P2RX7: variants seen among roughly 807,000 people sequenced by gnomAD.
P2RX7 encodes purinergic receptor P2X 7.
A neutral mutation model predicts 71.6 loss-of-function variants in P2RX7; 62 were observed. The ratio of observed to expected loss-of-function variants is 0.87; its 90% CI spans 0.71 to 1.07. P2RX7 has a LOEUF of 1.07. Among genes scored for constraint, P2RX7 ranks in the 50% least tolerant of loss-of-function variants. The pLI is 0.00. For missense variants in P2RX7, 686 were observed against 748.5 expected (o/e 0.92, Z 0.97); for synonymous variants, 299 against 283.3 (o/e 1.06, Z -0.56).
At chr12:121,133,749 C>T (rs1258827352) in intron 1 of P2RX7, among the ~76,000 whole-genome samples, 2 of 152,212 alleles carry the variant, frequency 1.3e-5, no homozygotes, top group Admixed American at 6.5e-5. Context: ...CTCCTTCCCA[C>T]CCATCAATTT....
At chr12:121,183,412 A>G (rs1167204189) in intron 12 of P2RX7, among the ~76,000 whole-genome samples, 1 of 150,534 alleles carries the variant, frequency 6.6e-6, no homozygotes, top group African/African-American at 2.4e-5. Context: ...CTCTACTAAA[A>G]ATATAAAAAT....
chr12:121,171,359 CTT>C (rs34595094), intron 8 of P2RX7, among the ~76,000 whole-genome samples: 21,435 of 104,034 alleles, frequency 0.21, 1,221 homozygotes, highest in South Asian at 0.25. Flanking sequence ...TCTTCAATCT[CTT>C]TTTTTTTTTT....
At chr12:121,136,023 A>AAAAATATATATATATATATAT in intron 1 of P2RX7, among the ~76,000 whole-genome samples, 1 of 15,254 alleles carries the variant, frequency 6.6e-5, no homozygotes, top group African/African-American at 1.2e-4. Context: ...AAAAAAAAAA[A>AAAAATATATATATATATATAT]ATATATATAT....
intron 1 of P2RX7, among the ~76,000 whole-genome samples, chr12:121,142,902 A>G (rs1464535386): frequency 6.6e-6 from 1 of 152,028 alleles, no homozygotes; most frequent in Admixed American, 6.6e-5. Flanking sequence ...CAGCCTGGCC[A>G]GCATGGTGAA....
At chr12:121,174,095 T>A (rs189571335) in intron 8 of P2RX7, among the ~76,000 whole-genome samples, 1 of 141,008 alleles carries the variant, frequency 7.1e-6, no homozygotes, top group African/African-American at 2.7e-5. Context: ...TCACCCAGGC[T>A]AGAGCGCAGT....
At chr12:121,155,455 AG>A in intron 2 of P2RX7, 1 of 1,150,254 alleles carries the variant, frequency 8.7e-7, no homozygotes, top group Non-Finnish European at 1.2e-6. Flanking sequence ...TGTGACTTCT[AG>A]ATTTGCAAGC....
At position 121,184,892 on chromosome 12, in the gene P2RX7, C is replaced by T. The variant is rs1200197553; in HGVS notation, c.*90C>T. On this transcript the variant is annotated 3_prime_UTR_variant, in exon 13 of 13. Transcript: ENST00000328963. Reference sequence around the variant, plus strand: ...CTGAGGTCGGGAGTTGGAGACCCGCCTGGCTAACAAGGCGAAATCCTGTCT... The same window carrying T: ...CTGAGGTCGGGAGTTGGAGACCCGCTTGGCTAACAAGGCGAAATCCTGTCT... The T allele has an allele frequency of 1.0e-5, 11 of 1,056,224 alleles. No individual in the cohort carries two copies. Among genetic ancestry groups the T allele is most frequent in the Non-Finnish European group, 1.4e-5 (10 of 739,676 alleles). The allele number at this position is 1,056,224 out of a possible 1,614,324, so 65.4% of individuals were successfully genotyped here.
intron 1 of P2RX7, among the ~76,000 whole-genome samples, chr12:121,136,023 A>AAAAAAAATATATATATATATATATATAT: frequency 1.3e-4 from 2 of 15,254 alleles, no homozygotes; most frequent in African/African-American, 2.5e-4. Flanking sequence ...AAAAAAAAAA[A>AAAAAAAATATATATATATATATATATAT]ATATATATAT....
intron 8 of P2RX7, among the ~76,000 whole-genome samples, chr12:121,172,398 G>T (rs1306348327): frequency 6.6e-6 from 1 of 152,218 alleles, no homozygotes; most frequent in Non-Finnish European, 1.5e-5. Flanking sequence ...GGGAGGCTGA[G>T]GTGGGTGCAT....
chr12:121,180,503 G>A (rs1441020860), intron 12 of P2RX7, 48 bp downstream of exon 12: 3 of 947,644 alleles, frequency 3.2e-6, no homozygotes, highest in Non-Finnish European at 3.2e-6. Flanking sequence ...AAAATTTACT[G>A]TTAAATATAA....
At chr12:121,184,034 C>T (rs1311417435) in intron 12 of P2RX7, among the ~76,000 whole-genome samples, 1 of 150,800 alleles carries the variant, frequency 6.6e-6, no homozygotes, top group Admixed American at 6.6e-5. Flanking sequence ...CACTGTGCTC[C>T]AGCCTGTGCG....
chr12:121,139,847 G>C (rs1181949645), intron 1 of P2RX7, among the ~76,000 whole-genome samples: 1 of 149,310 alleles, frequency 6.7e-6, no homozygotes, highest in Non-Finnish European at 1.5e-5. Flanking sequence ...CGATTCTCCT[G>C]CCTCAGCCTC....
At chr12:121,165,486 T>C (rs1461872399) in intron 6 of P2RX7, 49 bp downstream of exon 6, 2 of 1,412,700 alleles carry the variant, frequency 1.4e-6, no homozygotes, top group African/African-American at 2.8e-5. Flanking sequence ...TGCTGAGTAA[T>C]AAATTATCCC....
At chr12:121,134,214 A>G (rs1226994280) in intron 1 of P2RX7, among the ~76,000 whole-genome samples, 1 of 152,176 alleles carries the variant, frequency 6.6e-6, no homozygotes, top group Non-Finnish European at 1.5e-5. Flanking sequence ...ATATGTACCT[A>G]AGAGTAAAAA....
chr12:121,140,410 A>G (rs1224499211), intron 1 of P2RX7, among the ~76,000 whole-genome samples: 2 of 152,310 alleles, frequency 1.3e-5, no homozygotes, highest in East Asian at 3.9e-4. Flanking sequence ...CTTATGGGCC[A>G]CTGTGCAGAG....
intron 12 of P2RX7, among the ~76,000 whole-genome samples, chr12:121,183,570 C>CAAA (rs36007827): frequency 2.0e-5 from 1 of 51,268 alleles, no homozygotes; most frequent in South Asian, 7.4e-4. Flanking sequence ...GACTCCATCT[C>CAAA]AAAAAAAAAA....
intron 1 of P2RX7, among the ~76,000 whole-genome samples, chr12:121,133,507 G>A (rs984726529): frequency 2.0e-5 from 3 of 152,090 alleles, no homozygotes; most frequent in East Asian, 1.9e-4. Context: ...ATAACTTTAG[G>A]TCCTCACCAA....
intron 1 of P2RX7, among the ~76,000 whole-genome samples, chr12:121,136,021 A>AT (rs1250639431): frequency 3.7e-3 from 61 of 16,604 alleles, no homozygotes; most frequent in East Asian, 6.5e-3. Flanking sequence ...AAAAAAAAAA[A>AT]AAATATATAT....
chr12:121,136,098 AT>A (rs565490982), intron 1 of P2RX7, among the ~76,000 whole-genome samples: 196 of 138,182 alleles, frequency 1.4e-3, no homozygotes, highest in African/African-American at 4.5e-3. Flanking sequence ...ATATATTTAT[AT>A]TTTTTATATA....
Sources: gnomAD v4.1 joint callset for allele counts (sites outside exome capture counted in the v4.1 genomes callset) on GRCh38, gnomAD v4.1.1 for gene constraint, MANE v1.5 for transcripts, NCBI Gene and HGNC (gene_info 2026-07-23, HGNC 2026-07-21) for gene names.